SLC18A1: variants seen among roughly 807,000 people sequenced by gnomAD.
The protein encoded by SLC18A1 is chromaffin granule amine transporter.
A neutral mutation model predicts 53.7 loss-of-function variants in SLC18A1; 69 were observed. That is an observed-to-expected ratio of 1.28 (90% confidence interval 1.06 to 1.57). SLC18A1 has a LOEUF of 1.57. SLC18A1 is among the 40% of genes most tolerant of loss of function. The probability of loss-of-function intolerance (pLI) is 0.00; values close to 1 mark genes in which losing one functional copy is unlikely to be tolerated. For synonymous variants in SLC18A1, 320 were observed against 248.1 expected (o/e 1.29, Z -2.72); for missense variants, 932 against 668.1 (o/e 1.40, Z -4.35).
At chr8:20,166,811 T>G (rs919187298) in intron 8 of SLC18A1, among the ~76,000 whole-genome samples, 1 of 152,150 alleles carries the variant, frequency 6.6e-6, no homozygotes. Context: ...AATGAGGTCA[T>G]AAGAGTGGGG....
rs2071549810 is a variant in SLC18A1, at chr8:20,151,325, T to C, written c.1016-581A>G. 3.9e-5 allele frequency among the ~76,000 whole-genome samples: 6 copies of C among 152,012 alleles called. No homozygotes were observed. In the South Asian group the frequency reaches 1.2e-3, roughly 32 times the overall value. On this transcript the variant is annotated intron_variant, in intron 10 of 15. Coordinates refer to ENST00000276373, the MANE Select transcript of SLC18A1 (RefSeq NM_003053.4). ...TTTAATGTGCTTCCAGCTCCCCACTTAGATTCCTAATGAATGGCCCTGATG... is the reference window on the plus strand; with the variant it reads ...TTTAATGTGCTTCCAGCTCCCCACTCAGATTCCTAATGAATGGCCCTGATG...
intron 10 of SLC18A1, among the ~76,000 whole-genome samples, chr8:20,159,249 C>A (rs909306474): frequency 1.3e-5 from 2 of 152,074 alleles, no homozygotes; most frequent in South Asian, 2.1e-4. Context: ...GCAGTTAGAG[C>A]GGTCATCAGC....
chr8:20,164,865 T>G lies in SLC18A1; in HGVS notation c.1015+4A>C. 1 of 1,604,308 alleles carries G rather than the reference T, an allele frequency of 6.2e-7. No homozygotes were observed. The highest frequency in any genetic ancestry group is 8.5e-7 in the Non-Finnish European group (1 of 1,172,618). ...CCCTGAGCGGGGGTGCTGAGGTCAC[T>G]TACCCAGCTGCCACTTGGGGGAGCA... On this transcript the variant is annotated splice_donor_region_variant and intron_variant, in intron 10 of 15. Transcript: ENST00000276373.
At chr8:20,151,408 G>A (rs940698410) in intron 10 of SLC18A1, among the ~76,000 whole-genome samples, 4 of 152,148 alleles carry the variant, frequency 2.6e-5, no homozygotes, top group African/African-American at 9.7e-5. Context: ...GAGCTTCAGA[G>A]GTGGTGTGGT....
At chr8:20,176,849 A>G (rs144871453) in intron 4 of SLC18A1, among the ~76,000 whole-genome samples, 2 of 152,230 alleles carry the variant, frequency 1.3e-5, no homozygotes, top group Non-Finnish European at 2.9e-5. Flanking sequence ...AGCTTTTAAC[A>G]CATGAATTCT....
intron 10 of SLC18A1, among the ~76,000 whole-genome samples, chr8:20,153,502 C>A (rs1013902190): frequency 1.3e-5 from 2 of 151,916 alleles, no homozygotes; most frequent in Admixed American, 6.6e-5. Context: ...ACAGTGAAAC[C>A]CCATCTCTAC....
chr8:20,149,145 A>G (rs760835915), intron 12 of SLC18A1, among the ~76,000 whole-genome samples: 1 of 152,098 alleles, frequency 6.6e-6, no homozygotes, highest in Non-Finnish European at 1.5e-5. Flanking sequence ...GAGAGGAGGA[A>G]ATGAAGGCTT....
chr8:20,150,376 G>A (rs1295591522), intron 11 of SLC18A1, among the ~76,000 whole-genome samples: 2 of 152,136 alleles, frequency 1.3e-5, no homozygotes, highest in African/African-American at 4.8e-5. Context: ...GTTCTCTGTT[G>A]TGGTTATTTT....
chr8:20,179,333 A>T lies in SLC18A1; in HGVS notation c.276T>A (p.Val92=). 1.2e-6 allele frequency: 2 copies of T among 1,614,216 alleles called. No homozygotes were observed. The highest frequency in any genetic ancestry group is 2.2e-5 in the South Asian group (2 of 91,082). Residue 92 remains valine (V), a synonymous_variant, in exon 3 of 16, where the codon GTT becomes GTA. Transcript: ENST00000276373. ...CTATTCCACTAGGTACGCTTTCTTC[A>T]ACAGCCACGGTGTTGTTGTTGAAGA... ...FSFFNNNTVA[V]EESVPSGIAW...
intron 13 of SLC18A1, 92 bp downstream of exon 13, chr8:20,147,915 C>T: frequency 6.7e-7 from 1 of 1,483,358 alleles, no homozygotes; most frequent in Non-Finnish European, 9.3e-7. Context: ...GCCTCTGCAC[C>T]TACCTCCTCT....
rs369415422 is a variant in SLC18A1 at position 20,145,714 on chromosome 8, A to T, written c.*49T>A. ...CAGCCATGGTGATCTGGTCCCAGGG[A>T]AAGAGGTGGTCACTGAGGCATCATG... On this transcript the variant is annotated 3_prime_UTR_variant, in exon 16 of 16. Transcript: ENST00000276373. 1.2e-4 allele frequency: 148 copies of T among 1,223,910 alleles called. 2 individuals are homozygous for T. The South Asian group carries it at 1.8e-3, about 15-fold the overall frequency. The allele number at this position is 1,223,910 out of a possible 1,614,324, so 75.8% of individuals were successfully genotyped here.
chr8:20,164,746 G>T (rs1345661564), intron 10 of SLC18A1, 123 bp downstream of exon 10: 4 of 698,612 alleles, frequency 5.7e-6, no homozygotes, highest in Non-Finnish European at 9.6e-6. Flanking sequence ...TGATTCATGG[G>T]TGTGGACGTG....
chr8:20,152,675 C>T (rs930858047), intron 10 of SLC18A1, among the ~76,000 whole-genome samples: 4 of 152,268 alleles, frequency 2.6e-5, no homozygotes, highest in South Asian at 2.1e-4. Context: ...CAGTTAGATA[C>T]TTAAAGCCAT....
At chr8:20,152,976 C>T (rs1165055044) in intron 10 of SLC18A1, among the ~76,000 whole-genome samples, 1 of 152,112 alleles carries the variant, frequency 6.6e-6, no homozygotes, top group Non-Finnish European at 1.5e-5. Flanking sequence ...ATTCTCATTG[C>T]TTCCATTTTA....
chr8:20,164,907 C>T lies in SLC18A1; in HGVS notation c.977G>A (p.Trp326Ter). The change falls in exon 10 of 16, where the codon TGG (tryptophan) becomes TAG (stop). Residue 326 changes from tryptophan to a stop codon, truncating the protein, a stop_gained. Coordinates refer to ENST00000276373, the MANE Select transcript of SLC18A1 (RefSeq NM_003053.4). LOFTEE classifies it high-confidence loss of function. ...VAILEPTLPI[W>*]MMQTMCSPKW... ...GGGGGAGCACATGGTCTGCATCATC[C>T]AGATGGGCAGTGTGGGCTCCAGGAT... 6.2e-7 allele frequency: 1 copy of T among 1,613,762 alleles called. No individual in the cohort carries two copies. Among genetic ancestry groups the T allele is most frequent in the Non-Finnish European group, 8.5e-7 (1 of 1,179,716 alleles).
intron 8 of SLC18A1, among the ~76,000 whole-genome samples, chr8:20,167,130 T>C (rs1431734512): frequency 6.8e-6 from 1 of 146,040 alleles, no homozygotes; most frequent in African/African-American, 2.5e-5. Flanking sequence ...TAAAACTAAA[T>C]GCCAAAAAAA....
At chr8:20,164,263 G>T (rs891787188) in intron 10 of SLC18A1, among the ~76,000 whole-genome samples, 1 of 151,968 alleles carries the variant, frequency 6.6e-6, no homozygotes, top group East Asian at 1.9e-4. Context: ...TCTCTAAGTC[G>T]CTGCATGAAC....
intron 10 of SLC18A1, among the ~76,000 whole-genome samples, chr8:20,155,974 C>T (rs1585197694): frequency 6.6e-6 from 1 of 152,230 alleles, no homozygotes; most frequent in South Asian, 2.1e-4. Context: ...GTACTCTCCT[C>T]TCTCAATTTC....
In SLC18A1 at chr8:20,173,058, C is replaced by A; in HGVS notation, c.702G>T (p.Gly234=). 1 of 1,591,468 alleles carries A rather than the reference C, an allele frequency of 6.3e-7. No individual in the cohort carries two copies. Among genetic ancestry groups the A allele is most frequent in the Non-Finnish European group, 8.6e-7 (1 of 1,169,214 alleles). The change falls in exon 6 of 16, where the codon GGG becomes GGT. Residue 234 remains glycine, a synonymous_variant. Coordinates refer to ENST00000276373, the MANE Select transcript of SLC18A1 (RefSeq NM_003053.4). ...ERGRAMGTAL[G]GLALGLLVGA... ...TACCCAGCAACCCCAAGGCCAGGCCCCCCAGAGCAGTTCCCATGGCTCGTC... is the reference window on the plus strand; with the variant it reads ...TACCCAGCAACCCCAAGGCCAGGCCACCCAGAGCAGTTCCCATGGCTCGTC...
Sources: gnomAD v4.1 joint callset for allele counts (sites outside exome capture counted in the v4.1 genomes callset) on GRCh38, gnomAD v4.1.1 for gene constraint, MANE v1.5 for transcripts, NCBI Gene and HGNC (gene_info 2026-07-23, HGNC 2026-07-21) for gene names.